The following MUC3A variants were observed in gnomAD, a reference collection of about 807,000 sequenced individuals.
MUC3A encodes mucin 3A, cell surface associated.
MUC3A carries 109 observed loss-of-function variants against 109.0 expected under a neutral mutation model. The ratio of observed to expected loss-of-function variants is 1.00; its 90% CI spans 0.86 to 1.17. MUC3A has a LOEUF of 1.17. Ranked by LOEUF, MUC3A falls within the 50% of genes most tolerant of loss-of-function variation. The probability of loss-of-function intolerance (pLI) is 0.00; values close to 1 mark genes in which losing one functional copy is unlikely to be tolerated. For synonymous variants in MUC3A, 1,398 were observed against 981.4 expected (o/e 1.42, Z -7.93); for missense variants, 3,537 against 2,469.4 (o/e 1.43, Z -9.16).
At chr7:100,965,245 T>C in intron 6 of MUC3A, 37 bp from the exon 7 acceptor site, 1 of 1,584,830 alleles carries the variant, frequency 6.3e-7, no homozygotes, top group Non-Finnish European at 8.5e-7. Flanking sequence ...CCCCTTGATC[T>C]GCCCCGCCCA....
chr7:100,963,724 T>C lies in MUC3A; in HGVS notation c.9205T>C (p.Phe3069Leu). 1 of 1,598,556 alleles carries C rather than the reference T, an allele frequency of 6.3e-7. No individual in the cohort carries two copies. The highest frequency in any genetic ancestry group is 8.5e-7 in the Non-Finnish European group (1 of 1,179,832). The stretch of plus-strand genomic sequence containing the variant: ...TTTTGCAGACATGCAGGGCTTCACC[T>C]TCAAGGGTGTGGAGATCCTGTCCCT... Reference protein sequence around the residue: ...KIFADMQGFTFKGVEILSLRN... With the variant: ...KIFADMQGFTLKGVEILSLRN... The change falls in exon 5 of 12, where the codon TTC (phenylalanine) becomes CTC (leucine). Residue 3069 changes from phenylalanine (F) to leucine (L), a missense_variant. Physicochemically the swap from Phe to Leu is conservative, Grantham distance 22. Transcript: ENST00000379458.
chr7:100,957,872 AACC>A lies in MUC3A; in HGVS notation c.6097_6099del (p.Thr2033del). On this transcript the variant is annotated inframe_deletion, in exon 2 of 12. Coordinates refer to ENST00000379458, the MANE Select transcript of MUC3A (RefSeq NM_005960.2). ...CTCCCAGCTTGACTTCTTCGATCAC[AACC>A]ACCGAGACCACATCCCATAGTACTC... 2.9e-5 allele frequency: 3 copies of A among 104,412 alleles called. No homozygotes were observed. Among genetic ancestry groups the A allele is most frequent in the Non-Finnish European group, 4.7e-5 (3 of 64,282 alleles). 6.5% of individuals were successfully genotyped at this position (104,412 alleles called of 1,614,324 possible).
Position 100,953,538 on chromosome 7 carries a change from C to T in MUC3A, c.1759C>T (p.Pro587Ser). 1 of 449,998 alleles carries T rather than the reference C, an allele frequency of 2.2e-6. No individual in the cohort carries two copies. Among genetic ancestry groups the T allele is most frequent in the South Asian group, 6.9e-5 (1 of 14,478 alleles). The allele number at this position is 449,998 out of a possible 1,614,324, so 27.9% of individuals were successfully genotyped here. ...CACAACTTCCACAACTATGGAACCA[C>T]CTTCAACCACTGCAGCAACTACAGG... ...SFTTSTTMEP[P>S]STTAATTGTG... Residue 587 changes from proline to serine, a missense_variant, in exon 2 of 12, where the codon CCT becomes TCT. Coordinates refer to ENST00000379458, the MANE Select transcript of MUC3A (RefSeq NM_005960.2).
chr7:100,952,190 C>T lies in MUC3A; in HGVS notation c.411C>T (p.Thr137=), dbSNP rs781750506. The part of the protein sequence containing the change: ...ECVYPTSFII[T]ISHPTSICVT... ...TGTATCCAACGAGCTTTATAATCAC[C>T]ATCTCCCACCCCACCTCCATCTGTG... is the stretch of plus-strand genomic sequence containing the variant. Residue 137 remains threonine (T), a synonymous_variant, in exon 2 of 12, where the codon ACC becomes ACT. Transcript: ENST00000379458. The T allele has an allele frequency of 6.3e-7, 1 of 1,598,540 alleles. No homozygotes were observed. The highest frequency in any genetic ancestry group is 1.1e-5 in the South Asian group (1 of 91,092).
chr7:100,965,673 G>T, intron 7 of MUC3A, 31 bp from the exon 8 acceptor site: 1 of 1,585,980 alleles, frequency 6.3e-7, no homozygotes, highest in East Asian at 2.2e-5. Context: ...TGAGGTCCTT[G>T]TCTCTGTGCA....
In MUC3A at chr7:100,953,451, A is replaced by C. The variant is rs937696744; in HGVS notation, c.1672A>C (p.Ser558Arg). The C allele has an allele frequency of 9.3e-5, 49 of 525,992 alleles. No homozygotes were observed. Among genetic ancestry groups the C allele is most frequent in the Non-Finnish European group, 1.5e-4 (46 of 303,214 alleles). The allele number at this position is 525,992 out of a possible 1,614,324, so 32.6% of individuals were successfully genotyped here. ...AGAGAGTATCTCCTCACCTCCAGCC[A>C]GCACCAGTACACTCCACACAACAGC... is the stretch of plus-strand genomic sequence containing the variant. ...HTESISSPPA[S>R]TSTLHTTAES... The change falls in exon 2 of 12, where the codon AGC becomes CGC. Residue 558 changes from serine to arginine, a missense_variant. Coordinates refer to ENST00000379458, the MANE Select transcript of MUC3A (RefSeq NM_005960.2).
chr7:100,966,112 GGGGCCCCGCCTCCTCGTTC>G, intron 8 of MUC3A: 1 of 554,110 alleles, frequency 1.8e-6, no homozygotes, highest in Non-Finnish European at 2.6e-6. Flanking sequence ...ATTCTAGGGT[GGGGCCCCGCCTCCTCGTTC>G]TAGGGTTGAA....
At position 100,958,246 on chromosome 7, in the gene MUC3A, A is replaced by T; in HGVS notation, c.6467A>T (p.His2156Leu). 2 of 1,592,774 alleles carry T rather than the reference A, an allele frequency of 1.3e-6. No homozygotes were observed. Among genetic ancestry groups the T allele is most frequent in the East Asian group, 2.2e-5 (1 of 44,842 alleles). ...ATCACCACCACCGAGACCACATCCC[A>T]CAGTACTCCCAGCTTCACTTCTTTG... ...SSITTTETTS[H>L]STPSFTSLIT... Residue 2156 changes from histidine to leucine, a missense_variant, in exon 2 of 12, where the codon CAC (histidine) becomes CTC (leucine). His to Leu is a moderately conservative substitution (Grantham distance 99). Transcript: ENST00000379458.
At position 100,959,246 on chromosome 7, in the gene MUC3A, A is replaced by G. The variant is rs1409831773; in HGVS notation, c.7467A>G (p.Leu2489=). Residue 2489 remains leucine (L), a synonymous_variant, in exon 2 of 12, where the codon CTA becomes CTG. Transcript: ENST00000379458. ...SLSTDIPTTS[L]RTLTPSSVGT... is the part of the protein sequence containing the mutation. ...GTACAGACATCCCGACCACAAGCCT[A>G]CGAACTCTCACCCCTTCGTCTGTGG... is the stretch of plus-strand genomic sequence containing the variant. The G allele has an allele frequency of 6.3e-7, 1 of 1,597,682 alleles. No homozygotes were observed. Among genetic ancestry groups the G allele is most frequent in the East Asian group, 2.2e-5 (1 of 44,902 alleles).
intron 7 of MUC3A, 116 bp downstream of exon 7, chr7:100,965,463 T>C: frequency 6.7e-7 from 1 of 1,503,046 alleles, no homozygotes; most frequent in Non-Finnish European, 9.0e-7. Flanking sequence ...GCAAGTCATG[T>C]GGCCCAGGGC....
Position 100,964,735 on chromosome 7 carries a change from A to T in MUC3A, c.9274A>T (p.Met3092Leu), listed in dbSNP as rs1792463923. The change falls in exon 6 of 12, where the codon ATG (methionine) becomes TTG (leucine). Residue 3092 changes from methionine to leucine, a missense_variant. Transcript: ENST00000379458. ...GGTGGACTACCTGGTCCTGCTGGAGATGCCCTTCAGCCCCCAGCTGGAGAG... is the reference window on the plus strand; with the variant it reads ...GGTGGACTACCTGGTCCTGCTGGAGTTGCCCTTCAGCCCCCAGCTGGAGAG... The part of the protein sequence containing the change: ...IVVDYLVLLE[M>L]PFSPQLESEY... 1 of 1,598,492 alleles carries T rather than the reference A, an allele frequency of 6.3e-7. No homozygotes were observed. Among genetic ancestry groups the T allele is most frequent in the African/African-American group, 1.3e-5 (1 of 75,082 alleles).
chr7:100,966,403 C>G lies in MUC3A; in HGVS notation c.9629C>G (p.Thr3210Arg), dbSNP rs767693236. 2.2e-6 allele frequency: 3 copies of G among 1,346,462 alleles called. No individual in the cohort carries two copies. Among genetic ancestry groups the G allele is most frequent in the Non-Finnish European group, 2.8e-6 (3 of 1,055,164 alleles). The allele number at this position is 1,346,462 out of a possible 1,614,324, so 83.4% of individuals were successfully genotyped here. A position where few individuals can be genotyped will look rare whatever the true frequency, so the allele number is the denominator to read the frequency against. Reference sequence around the variant, plus strand: ...TCCCGCAGCTGCTACTCCACCGACACGCACTGGTTCTCTGGCCCGCGCTGC... The same window carrying G: ...TCCCGCAGCTGCTACTCCACCGACAGGCACTGGTTCTCTGGCCCGCGCTGC... ...GPTCRCYSTDTHWFSGPRCEV... is the reference protein window; with the variant it reads ...GPTCRCYSTDRHWFSGPRCEV... Residue 3210 changes from threonine to arginine, a missense_variant, in exon 9 of 12, where the codon ACG becomes AGG. Physicochemically the swap from Thr to Arg is moderately conservative, Grantham distance 71. Coordinates refer to ENST00000379458, the MANE Select transcript of MUC3A (RefSeq NM_005960.2).
Position 100,960,388 on chromosome 7 carries a change from A to G in MUC3A, c.8609A>G (p.Glu2870Gly). The G allele has an allele frequency of 6.3e-7, 1 of 1,598,540 alleles. No individual in the cohort carries two copies. The highest frequency in any genetic ancestry group is 8.5e-7 in the Non-Finnish European group (1 of 1,179,830). Residue 2870 changes from glutamate (E) to glycine (G), a missense_variant, in exon 2 of 12, where the codon GAG becomes GGG. Coordinates refer to ENST00000379458, the MANE Select transcript of MUC3A (RefSeq NM_005960.2). ...ACAAGTACTCGACTGCCCACCAGTG[A>G]GACCTGGCTGAGCAACAGTTCTGTG... Reference protein sequence around the residue: ...VFTSTRLPTSETWLSNSSVIP... With the variant: ...VFTSTRLPTSGTWLSNSSVIP...
In MUC3A at chr7:100,958,923, A is replaced by G. The variant is rs1182828891; in HGVS notation, c.7144A>G (p.Thr2382Ala). Residue 2382 changes from threonine (T) to alanine (A), a missense_variant, in exon 2 of 12, where the codon ACT becomes GCT. By Grantham distance (58) the Thr-to-Ala change is moderately conservative (BLOSUM62 0). Transcript: ENST00000379458. ...TPSFSSSITTTETPLHSTPGL... is the reference protein window; with the variant it reads ...TPSFSSSITTAETPLHSTPGL... ...CAGCTTCAGTTCTTCAATCACCACC[A>G]CTGAGACCCCCTTACACAGTACTCC... The G allele has an allele frequency of 3.0e-6, 4 of 1,323,320 alleles. No homozygotes were observed. Among genetic ancestry groups the G allele is most frequent in the Admixed American group, 6.5e-5 (2 of 30,646 alleles). 82.0% of individuals were successfully genotyped at this position (1,323,320 alleles called of 1,614,324 possible).
intron 1 of MUC3A, among the ~76,000 whole-genome samples, chr7:100,950,214 C>T (rs1420257909): frequency 6.6e-6 from 1 of 152,422 alleles, no homozygotes; most frequent in South Asian, 2.1e-4. Context: ...CACTCTCTTA[C>T]CCCGGCCAGG....
At position 100,960,010 on chromosome 7, in the gene MUC3A, C is replaced by A; in HGVS notation, c.8231C>A (p.Thr2744Asn). The change falls in exon 2 of 12, where the codon ACC (threonine) becomes AAC (asparagine). Residue 2744 changes from threonine (T) to asparagine (N), a missense_variant. By Grantham distance (65) the Thr-to-Asn change is moderately conservative. Coordinates refer to ENST00000379458, the MANE Select transcript of MUC3A (RefSeq NM_005960.2). ...SSSATTSTSS[T>N]SSSLTTALTE... Reference sequence around the variant, plus strand: ...TCTGCAACTACCAGCACTTCTTCAACCAGCTCCTCTCTGACCACAGCTCTC... The same window carrying A: ...TCTGCAACTACCAGCACTTCTTCAAACAGCTCCTCTCTGACCACAGCTCTC... 1 of 1,508,128 alleles carries A rather than the reference C, an allele frequency of 6.6e-7. No individual in the cohort carries two copies. The highest frequency in any genetic ancestry group is 8.8e-7 in the Non-Finnish European group (1 of 1,140,024). The allele number at this position is 1,508,128 out of a possible 1,614,324, so 93.4% of individuals were successfully genotyped here.
intron 8 of MUC3A, 127 bp from the exon 9 acceptor site, chr7:100,966,259 C>G: frequency 1.5e-4 from 100 of 687,420 alleles, no homozygotes; most frequent in South Asian, 9.3e-4. Context: ...AGCCCCTTGT[C>G]TAGGGTGGAA....
chr7:100,952,224 A>G lies in MUC3A; in HGVS notation c.445A>G (p.Thr149Ala), dbSNP rs760233653. ...CCCCACCTCCATCTGTGTGACCACG[A>G]CGCAGGTGGCCTTCACCAGCTCTTA... Reference protein sequence around the residue: ...SHPTSICVTTTQVAFTSSYTS... With the variant: ...SHPTSICVTTAQVAFTSSYTS... Residue 149 changes from threonine (T) to alanine (A), a missense_variant, in exon 2 of 12, where the codon ACG (threonine) becomes GCG (alanine). Physicochemically the swap from Thr to Ala is moderately conservative, Grantham distance 58. Coordinates refer to ENST00000379458, the MANE Select transcript of MUC3A (RefSeq NM_005960.2). 3.1e-6 allele frequency: 5 copies of G among 1,598,428 alleles called. No homozygotes were observed. In the Admixed American group the frequency reaches 8.3e-5, roughly 27 times the overall value.
chr7:100,959,526 G>C lies in MUC3A; in HGVS notation c.7747G>C (p.Val2583Leu), dbSNP rs769551993. The change falls in exon 2 of 12, where the codon GTA (valine) becomes CTA (leucine). Residue 2583 changes from valine to leucine, a missense_variant. Val to Leu is a conservative substitution (Grantham distance 32). Coordinates refer to ENST00000379458, the MANE Select transcript of MUC3A (RefSeq NM_005960.2). Reference protein sequence around the residue: ...IPETPTQTPPVLTSATGTQTS... With the variant: ...IPETPTQTPPLLTSATGTQTS... The stretch of plus-strand genomic sequence containing the variant: ...TGAAACCCCAACACAGACCCCTCCT[G>C]TACTGACGTCAGCCACTGGGACCCA... 10 of 1,591,114 alleles carry C rather than the reference G, an allele frequency of 6.3e-6. No homozygotes were observed. The highest frequency in any genetic ancestry group is 3.4e-5 in the Admixed American group (2 of 59,316).
Sources: gnomAD v4.1 joint callset for allele counts (sites outside exome capture counted in the v4.1 genomes callset) on GRCh38, gnomAD v4.1.1 for gene constraint, MANE v1.5 for transcripts, NCBI Gene and HGNC (gene_info 2026-07-23, HGNC 2026-07-21) for gene names.